The following ACSS2 variants were observed in gnomAD, a reference collection of about 807,000 sequenced individuals.
ACSS2 encodes acetyl-coenzyme A synthetase, cytoplasmic.
In ACSS2, 58 loss-of-function variants were observed where a neutral mutation model predicts 90.6. The ratio of observed to expected loss-of-function variants is 0.64; its 90% CI spans 0.52 to 0.80. ACSS2 has a LOEUF of 0.80. Ranked by LOEUF, ACSS2 falls within the 30% of genes least tolerant of loss-of-function variation. The pLI is 0.00. For missense variants in ACSS2, 759 were observed against 912.0 expected (o/e 0.83, Z 2.16); for synonymous variants, 300 against 330.9 (o/e 0.91, Z 1.01).
rs374091997 is a variant in ACSS2 at position 34,919,387 on chromosome 20, T to C, written c.835-48T>C. ...CCAGGGGCAAGGTACGGGTGTATCT[T>C]GTCCCCATCTTGAGCTGTTCACAGT... On this transcript the variant is annotated intron_variant, in intron 7 of 17. Transcript: ENST00000360596. 19 of 1,609,904 alleles carry C rather than the reference T, an allele frequency of 1.2e-5. No homozygotes were observed. In the African/African-American group the frequency reaches 2.4e-4, roughly 20 times the overall value.
At chr20:34,900,346 T>C (rs979709761) in intron 2 of ACSS2, among the ~76,000 whole-genome samples, 2 of 151,862 alleles carry the variant, frequency 1.3e-5, no homozygotes, top group South Asian at 2.1e-4. Flanking sequence ...AATTTTTTTT[T>C]TTTTTTTTAG....
At chr20:34,895,221 T>C (rs1382320575) in intron 2 of ACSS2, among the ~76,000 whole-genome samples, 1 of 152,168 alleles carries the variant, frequency 6.6e-6, no homozygotes, top group Non-Finnish European at 1.5e-5. Flanking sequence ...ACATTTTACA[T>C]ATTATATACA....
At chr20:34,882,091 C>T (rs554920523) in intron 1 of ACSS2, among the ~76,000 whole-genome samples, 3 of 152,244 alleles carry the variant, frequency 2.0e-5, no homozygotes, top group Admixed American at 2.0e-4. Context: ...TCGGTGTGTA[C>T]CTATAATCCC....
chr20:34,913,598 G>T, intron 4 of ACSS2, 102 bp downstream of exon 4: 1 of 1,299,760 alleles, frequency 7.7e-7, no homozygotes. Context: ...AAACTAAGGA[G>T]CTTAGAAGGT....
intron 2 of ACSS2, among the ~76,000 whole-genome samples, chr20:34,912,737 C>T (rs2080989921): frequency 6.6e-6 from 1 of 152,230 alleles, no homozygotes. Context: ...GGAGACCCTA[C>T]TCTGAATAAT....
intron 2 of ACSS2, among the ~76,000 whole-genome samples, chr20:34,890,652 C>G (rs190274241): frequency 1.3e-5 from 2 of 152,254 alleles, no homozygotes; most frequent in Admixed American, 6.5e-5. Flanking sequence ...CATTTGGTAT[C>G]GTTGATTCCT....
At chr20:34,919,263 A>T (rs73905007) in intron 7 of ACSS2, among the ~76,000 whole-genome samples, 172 bp from the exon 8 acceptor site, 4,333 of 152,100 alleles carry the variant, frequency 0.028, 201 homozygotes, top group African/African-American at 0.1. Flanking sequence ...AGTACTCAGT[A>T]AGCTTGGGTT....
Position 34,921,157 on chromosome 20 carries a change from T to A in ACSS2, c.1277+18T>A, listed in dbSNP as rs1267553097. On this transcript the variant is annotated intron_variant, in intron 10 of 17. Coordinates refer to ENST00000360596, the MANE Select transcript of ACSS2 (RefSeq NM_018677.4). ...GTCACCAAGTGAGACCTCTTCCCAG[T>A]TGCTGCCCTGTGGGTATCCCTCAGA... is the stretch of plus-strand genomic sequence containing the variant. 2.5e-6 allele frequency: 4 copies of A among 1,614,046 alleles called. No individual in the cohort carries two copies. The South Asian group carries it at 4.4e-5, about 18-fold the overall frequency.
At chr20:34,877,024 C>G (rs529562039) in intron 1 of ACSS2, among the ~76,000 whole-genome samples, 1 of 152,248 alleles carries the variant, frequency 6.6e-6, no homozygotes, top group Admixed American at 6.5e-5. Context: ...GAGTTCCCTG[C>G]AGACTTGGAG....
At chr20:34,920,339 A>G (rs1433219004) in intron 8 of ACSS2, among the ~76,000 whole-genome samples, 200 bp from the exon 9 acceptor site, 1 of 152,138 alleles carries the variant, frequency 6.6e-6, no homozygotes, top group Non-Finnish European at 1.5e-5. Flanking sequence ...TGATAGACAT[A>G]TGTGTCATCA....
chr20:34,901,386 T>C (rs1472665674), intron 2 of ACSS2, among the ~76,000 whole-genome samples: 1 of 152,154 alleles, frequency 6.6e-6, no homozygotes, highest in African/African-American at 2.4e-5. Flanking sequence ...TGAGCCACCA[T>C]ATCTGGCCCT....
At position 34,927,320 on chromosome 20, in the gene ACSS2, C is replaced by T; in HGVS notation, c.*106C>T. Reference sequence around the variant, plus strand: ...CCAGTGTTGACCCACACTACCCTCCCTTGACCAGCTGTCTGGGACCGGAAA... The same window carrying T: ...CCAGTGTTGACCCACACTACCCTCCTTTGACCAGCTGTCTGGGACCGGAAA... On this transcript the variant is annotated 3_prime_UTR_variant, in exon 18 of 18. Transcript: ENST00000360596. This position sits in a 1 kb window ranked among gnomAD's most constrained non-coding sequence, Gnocchi z 4.2. 2 of 1,458,218 alleles carry T rather than the reference C, an allele frequency of 1.4e-6. No homozygotes were observed. Among genetic ancestry groups the T allele is most frequent in the Non-Finnish European group, 1.9e-6 (2 of 1,064,406 alleles). 90.3% of individuals were successfully genotyped at this position (1,458,218 alleles called of 1,614,324 possible).
intron 2 of ACSS2, 56 bp downstream of exon 2, chr20:34,883,045 C>T (rs1223461711): frequency 7.2e-7 from 1 of 1,388,710 alleles, no homozygotes; most frequent in Non-Finnish European, 9.9e-7. Flanking sequence ...TTGATACTTA[C>T]AACAACCCAG....
chr20:34,916,838 A>G (rs1240176986), intron 7 of ACSS2, among the ~76,000 whole-genome samples: 2 of 152,198 alleles, frequency 1.3e-5, no homozygotes, highest in Non-Finnish European at 2.9e-5. Context: ...GAGCTCCCTC[A>G]TATTCCTCTC....
At chr20:34,926,057 G>A (rs779061728) in intron 15 of ACSS2, 48 bp from the exon 16 acceptor site, 2 of 1,601,764 alleles carry the variant, frequency 1.2e-6, no homozygotes, top group Non-Finnish European at 1.7e-6. Flanking sequence ...GCATGGGCTG[G>A]GGCAGAGCCT....
Position 34,913,373 on chromosome 20 carries a change from TTC to T in ACSS2, c.467-18_467-17del. 1 of 1,611,774 alleles carries T rather than the reference TTC, an allele frequency of 6.2e-7. No homozygotes were observed. Among genetic ancestry groups the T allele is most frequent in the Non-Finnish European group, 8.5e-7 (1 of 1,178,220 alleles). On this transcript the variant is annotated intron_variant, in intron 3 of 17. Transcript: ENST00000360596. The stretch of plus-strand genomic sequence containing the variant: ...CAGCAAGAAGGGTTCATGGTTCATA[TTC>T]TGTGCTTTTACCTGCAGGCATTCAG...
intron 7 of ACSS2, among the ~76,000 whole-genome samples, chr20:34,915,435 C>A (rs775326603): frequency 6.6e-6 from 1 of 152,150 alleles, no homozygotes; most frequent in Non-Finnish European, 1.5e-5. Flanking sequence ...TCCGTTACTG[C>A]CTCTGTGAAT....
At chr20:34,880,990 G>A (rs1013677) in intron 1 of ACSS2, among the ~76,000 whole-genome samples, 80,644 of 147,658 alleles carry the variant, frequency 0.55, 22,714 homozygotes, top group South Asian at 0.74. Context: ...CCATTGTTAC[G>A]GTTCTAATTG....
upstream of ACSS2, among the ~76,000 whole-genome samples, chr20:34,875,459 C>T (rs1216861771): frequency 6.6e-6 from 1 of 152,168 alleles, no homozygotes; most frequent in Non-Finnish European, 1.5e-5. Context: ...ATTCCAGCTA[C>T]TCGGGAGGCT....
Sources: gnomAD v4.1 joint callset for allele counts (sites outside exome capture counted in the v4.1 genomes callset) on GRCh38, gnomAD v4.1.1 for gene constraint, Gnocchi (gnomAD v3.1) non-coding constraint, MANE v1.5 for transcripts, NCBI Gene and HGNC (gene_info 2026-07-23, HGNC 2026-07-21) for gene names.